The following CHST10 variants were observed in gnomAD, a reference collection of about 807,000 sequenced individuals.
CHST10 encodes HNK-1 sulfotransferase.
A neutral mutation model predicts 34.7 loss-of-function variants in CHST10; 24 were observed. That is an observed-to-expected ratio of 0.69 (90% CI 0.50 to 0.97). The LOEUF (loss-of-function observed/expected upper bound fraction) is 0.97, where lower values mean the gene tolerates loss of function less well. Ranked by LOEUF, CHST10 falls within the 50% of genes least tolerant of loss-of-function variation. CHST10 has a pLI of 0.00. For missense variants in CHST10, 402 were observed against 452.1 expected (o/e 0.89, Z 1.00); for synonymous variants, 161 against 169.3 (o/e 0.95, Z 0.38).
At chr2:100,414,231 C>G (rs1675968568) in intron 2 of CHST10, among the ~76,000 whole-genome samples, 1 of 152,086 alleles carries the variant, frequency 6.6e-6, no homozygotes, top group Admixed American at 6.6e-5. Context: ...AGTGGGCAAG[C>G]AGGGACAGGG....
At chr2:100,400,477 C>T (rs1337559159) in intron 4 of CHST10, among the ~76,000 whole-genome samples, 3 of 152,132 alleles carry the variant, frequency 2.0e-5, no homozygotes, top group African/African-American at 7.2e-5. Context: ...TAGGCGCAAT[C>T]GATTCTCCTG....
intron 4 of CHST10, among the ~76,000 whole-genome samples, chr2:100,400,928 G>A (rs537124357): frequency 1.2e-4 from 18 of 152,274 alleles, no homozygotes; most frequent in African/African-American, 3.8e-4. Flanking sequence ...TGATCTGCCC[G>A]CCTCGGCCTC....
intron 4 of CHST10, 125 bp downstream of exon 4, chr2:100,402,439 T>C (rs1177750961): frequency 1.4e-6 from 1 of 717,708 alleles, no homozygotes; most frequent in Non-Finnish European, 2.4e-6. Context: ...CATGGAGAAG[T>C]AACACAGGAA....
intron 6 of CHST10, 67 bp downstream of exon 6, chr2:100,395,442 G>T: frequency 7.0e-7 from 1 of 1,426,378 alleles, no homozygotes; most frequent in Non-Finnish European, 9.8e-7. Context: ...TCAGCCTGGG[G>T]TTTTCCCCAA....
rs79439335 is a variant in CHST10 at position 100,408,943 on chromosome 2, C to T, written c.-32-2236G>A. Among the ~76,000 whole-genome samples, 685 of 152,148 alleles carry T rather than the reference C, an allele frequency of 4.5e-3. 6 individuals carry two copies. Among genetic ancestry groups the T allele is most frequent in the African/African-American group, 0.015 (627 of 41,506 alleles). On this transcript the variant is annotated intron_variant, in intron 2 of 6. Coordinates refer to ENST00000264249, the MANE Select transcript of CHST10 (RefSeq NM_004854.5). ...GGAGTAAAAGGAACAGGATGTACCACGCAGGTTGCATGCAATTCTAAACAG... is the reference window on the plus strand; with the variant it reads ...GGAGTAAAAGGAACAGGATGTACCATGCAGGTTGCATGCAATTCTAAACAG...
At chr2:100,415,819 G>A (rs547027536) in intron 1 of CHST10, 1 of 152,380 alleles carries the variant, frequency 6.6e-6, no homozygotes, top group South Asian at 2.1e-4. Context: ...GCAAACATCA[G>A]AGCGTTCTTA....
At position 100,406,614 on chromosome 2, in the gene CHST10, G is replaced by T. The variant is rs1675590028; in HGVS notation, c.62C>A (p.Ala21Asp). ...AAAGGTCAACGTGATGAACTTGCTA[G>T]CCACCATGAACATGAAAATCACCCA... ...CFWVIFMFMV[A>D]SKFITLTFKD... The change falls in exon 3 of 7, where the codon GCT (alanine) becomes GAT (aspartate). Residue 21 changes from alanine (A) to aspartate (D), a missense_variant. By Grantham distance (126) the Ala-to-Asp change is moderately radical. Coordinates refer to ENST00000264249, the MANE Select transcript of CHST10 (RefSeq NM_004854.5). The T allele has an allele frequency of 6.2e-7, 1 of 1,614,226 alleles. No homozygotes were observed. Among genetic ancestry groups the T allele is most frequent in the African/African-American group, 1.3e-5 (1 of 75,062 alleles).
At position 100,398,100 on chromosome 2, in the gene CHST10, G is replaced by C. The variant is rs1367089630; in HGVS notation, c.235C>G (p.Leu79Val). 6.2e-7 allele frequency: 1 copy of C among 1,613,870 alleles called. No homozygotes were observed. Among genetic ancestry groups the C allele is most frequent in the Admixed American group, 1.7e-5 (1 of 59,984 alleles). ...AGTTCCAGGCGCTCCATGTAGACCA[G>C]GGGCTGAACGAGCTGGCTGTCTGGA... Reference protein sequence around the residue: ...ELPDSQLVQPLVYMERLELIR... With the variant: ...ELPDSQLVQPVVYMERLELIR... The change falls in exon 5 of 7, where the codon CTG (leucine) becomes GTG (valine). Residue 79 changes from leucine (L) to valine (V), a missense_variant. Transcript: ENST00000264249.
At chr2:100,412,011 T>C (rs1429988139) in intron 2 of CHST10, among the ~76,000 whole-genome samples, 1 of 152,178 alleles carries the variant, frequency 6.6e-6, no homozygotes, top group Non-Finnish European at 1.5e-5. Context: ...CTGCCAGGGC[T>C]ATTATGGTCT....
rs1189220921 is a variant in CHST10 at position 100,406,663 on chromosome 2, A to G, written c.13T>C (p.Trp5Arg). The G allele has an allele frequency of 3.1e-6, 5 of 1,614,094 alleles. No homozygotes were observed. Among genetic ancestry groups the G allele is most frequent in the Non-Finnish European group, 4.2e-6 (5 of 1,179,990 alleles). The change falls in exon 3 of 7, where the codon TGG becomes CGG. Residue 5 changes from tryptophan to arginine, a missense_variant. By Grantham distance (101) the Trp-to-Arg change is moderately radical. Coordinates refer to ENST00000264249, the MANE Select transcript of CHST10 (RefSeq NM_004854.5). ...CAAAAGCATGCGGCCAGCAGAAGCCACTGGTGGTGCATGTTGTCACACCGC... is the reference window on the plus strand; with the variant it reads ...CAAAAGCATGCGGCCAGCAGAAGCCGCTGGTGGTGCATGTTGTCACACCGC... MHHQ[W>R]LLLAACFWVI...
In CHST10 at chr2:100,414,676, A is replaced by G. The variant is rs536680407; in HGVS notation, c.-33+365T>C. On this transcript the variant is annotated intron_variant, in intron 2 of 6. Coordinates refer to ENST00000264249, the MANE Select transcript of CHST10 (RefSeq NM_004854.5). Reference sequence around the variant, plus strand: ...AATTTCCTTTGTCTTCTCTGTTGTCATCCTTACAATTTACCGCCTTGGAAC... The same window carrying G: ...AATTTCCTTTGTCTTCTCTGTTGTCGTCCTTACAATTTACCGCCTTGGAAC... 1.5e-3 allele frequency among the ~76,000 whole-genome samples: 225 copies of G among 152,310 alleles called. 2 individuals are homozygous for G. The highest frequency in any genetic ancestry group is 5.2e-3 in the African/African-American group (217 of 41,562).
chr2:100,405,066 C>A (rs1213030125), intron 3 of CHST10, among the ~76,000 whole-genome samples: 1 of 152,234 alleles, frequency 6.6e-6, no homozygotes, highest in East Asian at 1.9e-4. Flanking sequence ...GGGATGAGAA[C>A]CCGGCTCTAG....
At chr2:100,405,410 G>T (rs1266452672) in intron 3 of CHST10, among the ~76,000 whole-genome samples, 1 of 152,186 alleles carries the variant, frequency 6.6e-6, no homozygotes, top group African/African-American at 2.4e-5. Context: ...TAATTTCAGG[G>T]TGTCCCTCTT....
At chr2:100,395,301 G>A (rs1185077269) in intron 6 of CHST10, among the ~76,000 whole-genome samples, 2 of 152,210 alleles carry the variant, frequency 1.3e-5, no homozygotes, top group Non-Finnish European at 1.5e-5. Context: ...CTGTGTGAAG[G>A]TAAGGCTGGA....
intron 5 of CHST10, among the ~76,000 whole-genome samples, chr2:100,395,920 C>T (rs1675036673): frequency 6.6e-6 from 1 of 152,204 alleles, no homozygotes; most frequent in Non-Finnish European, 1.5e-5. Flanking sequence ...CCTAACTGGG[C>T]TAAATCTGCC....
At position 100,397,933 on chromosome 2, in the gene CHST10, C is replaced by T. The variant is rs1373666337; in HGVS notation, c.402G>A (p.Trp134Ter). ...CATTTAGAACAATCAGCACTTTCTT[C>T]CACTGGGTGTTGCCCACTTTGGGAG... Reference protein sequence around the residue: ...CQTPKVGNTQWKKVLIVLNGA... With the variant: ...CQTPKVGNTQ The change falls in exon 5 of 7, where the codon TGG (tryptophan) becomes TGA (stop). Residue 134 changes from tryptophan (W) to a stop codon, truncating the protein, a stop_gained. Coordinates refer to ENST00000264249, the MANE Select transcript of CHST10 (RefSeq NM_004854.5). LOFTEE classifies it high-confidence loss of function. The T allele has an allele frequency of 1.9e-6, 3 of 1,613,670 alleles. No homozygotes were observed. Among genetic ancestry groups the T allele is most frequent in the Non-Finnish European group, 2.5e-6 (3 of 1,179,738 alleles).
chr2:100,394,344 G>A (rs576225616), intron 6 of CHST10, among the ~76,000 whole-genome samples: 25 of 152,266 alleles, frequency 1.6e-4, no homozygotes, highest in African/African-American at 5.3e-4. Context: ...GAGGAGGGCC[G>A]GCAGCAGTGA....
intron 4 of CHST10, among the ~76,000 whole-genome samples, chr2:100,400,879 C>T (rs920939774): frequency 2.3e-4 from 35 of 152,020 alleles, no homozygotes; most frequent in Non-Finnish European, 1.5e-4. Context: ...TGGGGTTTCA[C>T]CATGTTAGCC....
At position 100,398,084 on chromosome 2, in the gene CHST10, C is replaced by A. The variant is rs765386819; in HGVS notation, c.251G>T (p.Arg84Leu). 9 of 1,613,984 alleles carry A rather than the reference C, an allele frequency of 5.6e-6. No homozygotes were observed. The highest frequency in any genetic ancestry group is 4.2e-6 in the Non-Finnish European group (5 of 1,180,008). ...GCAGACGTTTCTGATGAGTTCCAGG[C>A]GCTCCATGTAGACCAGGGGCTGAAC... ...QLVQPLVYME[R>L]LELIRNVCRD... is the part of the protein sequence containing the mutation. The change falls in exon 5 of 7, where the codon CGC becomes CTC. Residue 84 changes from arginine to leucine, a missense_variant. Coordinates refer to ENST00000264249, the MANE Select transcript of CHST10 (RefSeq NM_004854.5).
Sources: allele counts gnomAD v4.1 joint callset (sites outside exome capture counted in the v4.1 genomes callset), GRCh38; gene constraint gnomAD v4.1.1; transcripts MANE v1.5; gene names NCBI Gene and HGNC (gene_info 2026-07-23, HGNC 2026-07-21).